Variants in NOTCH3 observed in about 807,000 individuals in gnomAD.
NOTCH3 encodes the protein notch receptor 3.
In NOTCH3, 86 loss-of-function variants were observed where a neutral mutation model predicts 213.3. The ratio of observed to expected loss-of-function variants is 0.40; its 90% CI spans 0.34 to 0.48. NOTCH3 has a LOEUF of 0.48. NOTCH3 is among the 20% of genes least tolerant of loss of function. NOTCH3 has a pLI of 0.57. For missense variants in NOTCH3, 2,783 were observed against 3,272.6 expected (o/e 0.85, Z 3.65); for synonymous variants, 1,354 against 1,355.9 (o/e 1.00, Z 0.03).
chr19:15,173,441 A>AAAG (rs2046756576), intron 25 of NOTCH3, among the ~76,000 whole-genome samples: 2 of 143,514 alleles, frequency 1.4e-5, no homozygotes, highest in East Asian at 2.0e-4. Flanking sequence ...AAAAAAAAAA[A>AAAG]AGAGAGAGAG....
At position 15,164,204 on chromosome 19, in the gene NOTCH3, A is replaced by T. The variant is rs143512603; in HGVS notation, c.5815+1164T>A. 4.9e-3 allele frequency among the ~76,000 whole-genome samples: 717 copies of T among 146,976 alleles called. 6 individuals carry two copies. The highest frequency in any genetic ancestry group is 0.018 in the African/African-American group (692 of 39,212). ...AATGGGTGAATTGTATGGCATGTTA[A>T]TTATATCTCAATAAAGCAGTTTTTT... On this transcript the variant is annotated intron_variant, in intron 31 of 32. Transcript: ENST00000263388.
intron 15 of NOTCH3, 119 bp from the exon 16 acceptor site, chr19:15,184,569 G>A: frequency 2.1e-6 from 2 of 953,254 alleles, no homozygotes; most frequent in Non-Finnish European, 3.2e-6. Context: ...AAGCCGTGCT[G>A]TCATTCGTGT....
chr19:15,200,363 G>A (rs1407201437), intron 1 of NOTCH3, among the ~76,000 whole-genome samples: 1 of 151,520 alleles, frequency 6.6e-6, no homozygotes, highest in Admixed American at 6.6e-5. Flanking sequence ...CAGCCCGCCC[G>A]GGGTGTCGGG....
rs185373164 is a variant in NOTCH3 at position 15,164,162 on chromosome 19, T to C, written c.5815+1206A>G. Among the ~76,000 whole-genome samples the C allele has an allele frequency of 5.8e-4, 88 of 152,292 alleles. 1 individual carries two copies. Among genetic ancestry groups the C allele is most frequent in the Admixed American group, 5.1e-3 (78 of 15,290 alleles). On this transcript the variant is annotated intron_variant, in intron 31 of 32. Transcript: ENST00000263388. ...ATGACTCTGATTATACTAAGAGCCA[T>C]TGAATTGTACACTTTAAATGGGTGA... is the stretch of plus-strand genomic sequence containing the variant.
At chr19:15,173,051 TC>T (rs147950916) in intron 25 of NOTCH3, among the ~76,000 whole-genome samples, 3 of 2,332 alleles carry the variant, frequency 1.3e-3, no homozygotes, top group African/African-American at 0.017. Context: ...CCCTCCCTCC[TC>T]CCTCTTCTTC....
At chr19:15,170,243 G>A (rs2046720341) in intron 27 of NOTCH3, 73 bp from the exon 28 acceptor site, 1 of 1,495,772 alleles carries the variant, frequency 6.7e-7, no homozygotes, top group Non-Finnish European at 9.3e-7. Context: ...GATTTGGGGT[G>A]GGGTCAGAGG....
At chr19:15,184,162 G>A in intron 16 of NOTCH3, 133 bp downstream of exon 16, 1 of 913,778 alleles carries the variant, frequency 1.1e-6, no homozygotes, top group Non-Finnish European at 1.7e-6. Context: ...TCGGGCCTCA[G>A]TTTCCATATA....
chr19:15,179,195 A>G lies in NOTCH3; in HGVS notation c.3548T>C (p.Val1183Ala), dbSNP rs2046818091. Reference sequence around the variant, plus strand: ...GCAGCGGAAACCACCCACCAGGTCCACGCAGGTGCCATTGTGTAGGCACCG... The same window carrying G: ...GCAGCGGAAACCACCCACCAGGTCCGCGCAGGTGCCATTGTGTAGGCACCG... The part of the protein sequence containing the change: ...GPRCLHNGTC[V>A]DLVGGFRCTC... Residue 1183 changes from valine to alanine, a missense_variant, in exon 22 of 33, where the codon GTG (valine) becomes GCG (alanine). Around this residue, in one of 6 missense-constraint regions of NOTCH3, gnomAD observed 861 missense variants for 909.1 expected, o/e 0.95. Transcript: ENST00000263388. 4.3e-6 allele frequency: 7 copies of G among 1,613,982 alleles called. No individual in the cohort carries two copies. The highest frequency in any genetic ancestry group is 1.6e-4 in the Middle Eastern group (1 of 6,084).
At chr19:15,189,978 T>G (rs946077582) in intron 6 of NOTCH3, among the ~76,000 whole-genome samples, 9 of 152,220 alleles carry the variant, frequency 5.9e-5, no homozygotes, top group African/African-American at 2.2e-4. Flanking sequence ...CTAAACCATT[T>G]AAAAATAAAT....
chr19:15,178,787 C>T (rs775967787), intron 23 of NOTCH3, 36 bp downstream of exon 23: 6 of 1,464,528 alleles, frequency 4.1e-6, no homozygotes, highest in Non-Finnish European at 5.7e-6. Flanking sequence ...AGGCCACGCC[C>T]CTACTCCTCC....
chr19:15,178,076 C>T lies in NOTCH3; in HGVS notation c.3852G>A (p.Pro1284=). ...TCHCAQPFWG[P]RCERVARSCR... is the part of the protein sequence containing the mutation. ...AGGAGCGCGCCACCCGCTCGCAACG[C>T]GGACCCCAGAACGGCTGGGGGTCGG... The change falls in exon 24 of 33, where the codon CCG becomes CCA. Residue 1284 remains proline, a synonymous_variant. Coordinates refer to ENST00000263388, the MANE Select transcript of NOTCH3 (RefSeq NM_000435.3). 1 of 1,503,778 alleles carries T rather than the reference C, an allele frequency of 6.6e-7. No homozygotes were observed. The highest frequency in any genetic ancestry group is 1.2e-5 in the South Asian group (1 of 83,046). The allele number at this position is 1,503,778 out of a possible 1,614,324, so 93.2% of individuals were successfully genotyped here.
Position 15,185,741 on chromosome 19 carries a change from C to T in NOTCH3, c.1952-62G>A, listed in dbSNP as rs1013565072. The T allele has an allele frequency of 2.9e-5, 45 of 1,536,466 alleles. No individual in the cohort carries two copies. Among genetic ancestry groups the T allele is most frequent in the African/African-American group, 1.1e-4 (8 of 73,576 alleles). ...GTCAGCAGGGACAACCAGGGAGGGA[C>T]GACGTGACCCCACTTAGCACACCCA... On this transcript the variant is annotated intron_variant, in intron 12 of 32. Transcript: ENST00000263388. The surrounding 1 kb of genome is among the most constrained non-coding windows in gnomAD (Gnocchi z 4.2).
chr19:15,179,248 G>A lies in NOTCH3; in HGVS notation c.3495C>T (p.Gly1165=), dbSNP rs373859689. The change falls in exon 22 of 33, where the codon GGC becomes GGT. Residue 1165 remains glycine, a synonymous_variant. Coordinates refer to ENST00000263388, the MANE Select transcript of NOTCH3 (RefSeq NM_000435.3). The part of the protein sequence containing the change: ...VLCEINEDDC[G]PGPPLDSGPR... ...GCCCTGAGTCCAGCGGTGGGCCTGG[G>A]CCGCAGTCATCCTCATTAATCTCGC... 5 of 1,613,832 alleles carry A rather than the reference G, an allele frequency of 3.1e-6. No homozygotes were observed. The African/African-American group carries it at 5.3e-5, about 17-fold the overall frequency.
chr19:15,159,538 A>T lies in NOTCH3; in HGVS notation c.*1124T>A, dbSNP rs542976600. 3 of 208,338 alleles carry T rather than the reference A, an allele frequency of 1.4e-5. No individual in the cohort carries two copies. Among genetic ancestry groups the T allele is most frequent in the African/African-American group, 6.8e-5 (3 of 44,030 alleles). 12.9% of individuals were successfully genotyped at this position (208,338 alleles called of 1,614,324 possible). On this transcript the variant is annotated 3_prime_UTR_variant, in exon 33 of 33. Transcript: ENST00000263388. ...GTAGACTGGCAAGTCAAATGTATTT[A>T]CCCCAAGATGGGAGCTCAAGTTAGC...
chr19:15,197,745 C>G (rs1308388982), intron 1 of NOTCH3, among the ~76,000 whole-genome samples, 167 bp from the exon 2 acceptor site: 2 of 33,062 alleles, frequency 6.0e-5, no homozygotes, highest in South Asian at 1.7e-3. Context: ...CCCCCCCCCC[C>G]CCCGCCCCAG....
At chr19:15,177,332 G>T (rs2046799561) in intron 24 of NOTCH3, among the ~76,000 whole-genome samples, 193 bp downstream of exon 24, 1 of 152,046 alleles carries the variant, frequency 6.6e-6, no homozygotes, top group Non-Finnish European at 1.5e-5. Context: ...ATAGAAACAA[G>T]AACAAGATAG....
chr19:15,179,990 A>G (rs1291488708), intron 20 of NOTCH3, 82 bp downstream of exon 20: 1 of 961,970 alleles, frequency 1.0e-6, no homozygotes, highest in Non-Finnish European at 1.7e-6. Context: ...ACATACCCAT[A>G]CCAAGCCACA....
intron 25 of NOTCH3, among the ~76,000 whole-genome samples, chr19:15,172,516 C>T (rs978487992): frequency 6.6e-6 from 1 of 151,882 alleles, no homozygotes; most frequent in African/African-American, 2.4e-5. Flanking sequence ...CCTTCCACCA[C>T]CCACATCCCA....
intron 2 of NOTCH3, among the ~76,000 whole-genome samples, chr19:15,195,802 G>T (rs1350651718): frequency 4.6e-5 from 7 of 151,392 alleles, no homozygotes; most frequent in South Asian, 4.2e-4. Flanking sequence ...GCCCCCTCCC[G>T]ACGCCCCGGG....
Sources: allele counts gnomAD v4.1 joint callset (sites outside exome capture counted in the v4.1 genomes callset), GRCh38; gene constraint gnomAD v4.1.1; regional missense constraint gnomAD v4.1.1; non-coding constraint Gnocchi (gnomAD v3.1); transcripts MANE v1.5; gene names NCBI Gene and HGNC (gene_info 2026-07-23, HGNC 2026-07-21).